GRXCR1: variants seen among roughly 807,000 people sequenced by gnomAD.
GRXCR1 encodes the protein glutaredoxin and cysteine rich domain containing 1.
GRXCR1 carries 27 observed loss-of-function variants against 27.3 expected under a neutral mutation model. The observed-to-expected ratio is 0.99, with a 90% CI of 0.73 to 1.37. The LOEUF is 1.37. Among genes scored for constraint, GRXCR1 ranks in the 40% most tolerant of loss-of-function variants. GRXCR1 has a pLI of 0.00. For missense variants in GRXCR1, 379 were observed against 354.4 expected (o/e 1.07, Z -0.56); for synonymous variants, 122 against 131.1 (o/e 0.93, Z 0.47).
intron 1 of GRXCR1, among the ~76,000 whole-genome samples, chr4:42,952,308 C>G (rs1413977471): frequency 6.6e-6 from 1 of 152,130 alleles, no homozygotes; most frequent in Non-Finnish European, 1.5e-5. Flanking sequence ...GTAGGCTCCA[C>G]TGAGTGAGAC....
intron 2 of GRXCR1, among the ~76,000 whole-genome samples, chr4:42,976,347 G>A (rs191276789): frequency 6.6e-6 from 1 of 152,094 alleles, no homozygotes; most frequent in East Asian, 1.9e-4. Flanking sequence ...CTTCATTTGA[G>A]TAATGGTTCC....
chr4:42,958,796 C>T (rs932515373), intron 1 of GRXCR1, among the ~76,000 whole-genome samples: 2 of 151,754 alleles, frequency 1.3e-5, no homozygotes, highest in Admixed American at 1.3e-4. Flanking sequence ...TACAAATAGC[C>T]AAGAGAGATA....
chr4:43,030,218 T>C, intron 3 of GRXCR1, 143 bp from the exon 4 acceptor site: 1 of 720,168 alleles, frequency 1.4e-6, no homozygotes, highest in Non-Finnish European at 2.5e-6. Context: ...TGTGTATTAA[T>C]GGTAGGTGAA....
chr4:42,973,934 G>A (rs1028273619), intron 2 of GRXCR1, among the ~76,000 whole-genome samples: 7 of 152,158 alleles, frequency 4.6e-5, no homozygotes, highest in Admixed American at 6.6e-5. Flanking sequence ...GCTAGAGCAT[G>A]TTCTAGGGGT....
At chr4:42,944,456 C>A (rs1405568832) in intron 1 of GRXCR1, among the ~76,000 whole-genome samples, 2 of 151,988 alleles carry the variant, frequency 1.3e-5, no homozygotes, top group Admixed American at 6.6e-5. Context: ...AGAGACCGTG[C>A]CTTGGGGAAT....
intron 2 of GRXCR1, among the ~76,000 whole-genome samples, chr4:43,001,649 G>T (rs190663322): frequency 1.7e-3 from 263 of 152,234 alleles, no homozygotes; most frequent in African/African-American, 6.0e-3. Context: ...GGGTGGCCCT[G>T]CCCCTCCACA....
chr4:42,994,546 T>C (rs1329322555), intron 2 of GRXCR1, among the ~76,000 whole-genome samples: 1 of 152,182 alleles, frequency 6.6e-6, no homozygotes, highest in Non-Finnish European at 1.5e-5. Context: ...ACAAACTTTA[T>C]TGAGTTCTTC....
At chr4:42,900,588 C>A (rs1025589371) in intron 1 of GRXCR1, among the ~76,000 whole-genome samples, 5 of 151,758 alleles carry the variant, frequency 3.3e-5, no homozygotes, top group African/African-American at 1.2e-4. Context: ...CTTGACTAGC[C>A]CAAAAGAGGG....
chr4:42,963,998 T>C (rs181927027), intron 2 of GRXCR1, among the ~76,000 whole-genome samples: 8 of 152,104 alleles, frequency 5.3e-5, no homozygotes, highest in African/African-American at 1.9e-4. Flanking sequence ...TGCTCACATT[T>C]TGTTTCAGGG....
intron 1 of GRXCR1, among the ~76,000 whole-genome samples, chr4:42,913,878 T>C (rs1746824860): frequency 6.6e-6 from 1 of 152,052 alleles, no homozygotes; most frequent in Non-Finnish European, 1.5e-5. Flanking sequence ...CTAAAAGGGG[T>C]CAATGTATAG....
At chr4:43,011,482 T>C (rs1302641250) in intron 2 of GRXCR1, among the ~76,000 whole-genome samples, 1 of 152,156 alleles carries the variant, frequency 6.6e-6, no homozygotes, top group Non-Finnish European at 1.5e-5. Flanking sequence ...TGTAATACCG[T>C]ACCTTCCCCA....
At chr4:42,935,758 G>A (rs1467989739) in intron 1 of GRXCR1, among the ~76,000 whole-genome samples, 2 of 151,710 alleles carry the variant, frequency 1.3e-5, no homozygotes, top group Non-Finnish European at 2.9e-5. Context: ...AAATTATTTA[G>A]ATTAAAGTTC....
intron 2 of GRXCR1, 75 bp downstream of exon 2, chr4:42,963,209 A>C: frequency 4.6e-6 from 7 of 1,535,928 alleles, no homozygotes; most frequent in Non-Finnish European, 6.3e-6. Flanking sequence ...CCATCTATAC[A>C]TTTGCAGCGT....
chr4:42,950,104 T>C (rs988915242), intron 1 of GRXCR1, among the ~76,000 whole-genome samples: 1 of 152,138 alleles, frequency 6.6e-6, no homozygotes, highest in African/African-American at 2.4e-5. Context: ...TTATATAATA[T>C]TGTAGATATA....
intron 2 of GRXCR1, among the ~76,000 whole-genome samples, chr4:42,986,642 G>A (rs1265686170): frequency 6.6e-6 from 1 of 152,116 alleles, no homozygotes; most frequent in Non-Finnish European, 1.5e-5. Context: ...CTCCACGTAT[G>A]GTTTCTCTTG....
chr4:42,915,954 C>T (rs1746875020), intron 1 of GRXCR1, among the ~76,000 whole-genome samples: 1 of 151,842 alleles, frequency 6.6e-6, no homozygotes, highest in African/African-American at 2.4e-5. Flanking sequence ...AGTTACAATG[C>T]CATCTTGACT....
At position 42,987,241 on chromosome 4, in the gene GRXCR1, A is replaced by ATT. The variant is rs1276367661; in HGVS notation, c.627+24107_627+24108insTT. On this transcript the variant is annotated intron_variant, in intron 2 of 3. Coordinates refer to ENST00000399770, the MANE Select transcript of GRXCR1 (RefSeq NM_001080476.3). ...TATATATTATATATTATATATATAT[A>ATT]ATATATAATATATATATATAATATA... Among the ~76,000 whole-genome samples the ATT allele has an allele frequency of 1.1e-3, 75 of 66,398 alleles. 1 individual carries two copies. The highest frequency in any genetic ancestry group is 1.7e-3 in the Non-Finnish European group (54 of 32,118). The allele number at this position is 66,398 out of a possible 152,430, so 43.6% of individuals were successfully genotyped here.
intron 2 of GRXCR1, among the ~76,000 whole-genome samples, chr4:42,993,244 T>C (rs10025444): frequency 0.016 from 2,430 of 152,246 alleles, 72 homozygotes; most frequent in African/African-American, 0.054. Context: ...CTATAACATC[T>C]GAAAAACATT....
At chr4:42,933,814 T>A (rs894474526) in intron 1 of GRXCR1, among the ~76,000 whole-genome samples, 1 of 151,854 alleles carries the variant, frequency 6.6e-6, no homozygotes, top group Non-Finnish European at 1.5e-5. Flanking sequence ...AGAACTGTTG[T>A]TTAAAGCCAC....
Sources: gnomAD v4.1 joint callset for allele counts (sites outside exome capture counted in the v4.1 genomes callset) on GRCh38, gnomAD v4.1.1 for gene constraint, MANE v1.5 for transcripts, NCBI Gene and HGNC (gene_info 2026-07-23, HGNC 2026-07-21) for gene names.